The following MLLT3 variants were observed in gnomAD, a reference collection of about 807,000 sequenced individuals.
The protein encoded by MLLT3 is MLLT3 super elongation complex subunit.
In MLLT3, 4 loss-of-function variants were observed where a neutral mutation model predicts 53.2. That is an observed-to-expected ratio of 0.08 (90% CI 0.04 to 0.17). The LOEUF (loss-of-function observed/expected upper bound fraction) is 0.17. Ranked by LOEUF, MLLT3 falls within the 10% of genes least tolerant of loss-of-function variation. The pLI, the probability that MLLT3 is intolerant of heterozygous loss-of-function variation, is 1.00. For synonymous variants in MLLT3, 283 were observed against 230.6 expected, an observed-to-expected ratio of 1.23 and a Z score of -2.06; for missense variants, 569 against 684.0, an observed-to-expected ratio of 0.83 and a Z score of 1.87.
chr9:20,400,972 G>A (rs1822440070), intron 5 of MLLT3, among the ~76,000 whole-genome samples: 1 of 152,104 alleles, frequency 6.6e-6, no homozygotes, highest in Admixed American at 6.6e-5. Context: ...CAGGAGATAG[G>A]AAGAACAACT....
At chr9:20,457,635 C>T (rs1824005454) in intron 2 of MLLT3, among the ~76,000 whole-genome samples, 1 of 152,120 alleles carries the variant, frequency 6.6e-6, no homozygotes, top group Non-Finnish European at 1.5e-5. Context: ...CTCCCTCCTT[C>T]ACCCACCCAA....
chr9:20,530,446 TCAAAATGTTC>T (rs1287515824), intron 2 of MLLT3, among the ~76,000 whole-genome samples: 2 of 152,150 alleles, frequency 1.3e-5, no homozygotes, highest in Non-Finnish European at 2.9e-5. Flanking sequence ...AAGTCACCTA[TCAAAATGTTC>T]AGAGCTTAAA....
chr9:20,413,732 A>C lies in MLLT3; in HGVS notation c.1114T>G (p.Ser372Ala). 1 of 1,595,654 alleles carries C rather than the reference A, an allele frequency of 6.3e-7. No individual in the cohort carries two copies. Among genetic ancestry groups the C allele is most frequent in the Admixed American group, 1.8e-5 (1 of 55,960 alleles). ...NDSDVEENISSKSDSEQPSPA... is the reference protein window; with the variant it reads ...NDSDVEENISAKSDSEQPSPA... ...TAAGAACTACTCACATCAGATTTAG[A>C]GGATATATTCTCCTCCACATCTGAA... is the stretch of plus-strand genomic sequence containing the variant. Residue 372 changes from serine to alanine, a missense_variant, in exon 5 of 11, where the codon TCT becomes GCT. This residue lies in a region of MLLT3 where 437 missense variants were observed against 376.5 expected (regional missense o/e 1.16). Coordinates refer to ENST00000380338, the MANE Select transcript of MLLT3 (RefSeq NM_004529.4).
At chr9:20,513,325 C>A (rs898880415) in intron 2 of MLLT3, among the ~76,000 whole-genome samples, 4 of 152,258 alleles carry the variant, frequency 2.6e-5, no homozygotes, top group Admixed American at 2.6e-4. Flanking sequence ...AAAATTAGGT[C>A]TGGGTCTGTC....
At chr9:20,477,910 A>T (rs1177767964) in intron 2 of MLLT3, among the ~76,000 whole-genome samples, 2 of 152,244 alleles carry the variant, frequency 1.3e-5, no homozygotes, top group Non-Finnish European at 2.9e-5. Flanking sequence ...CCAATACTGG[A>T]TTTAACAATT....
intron 2 of MLLT3, among the ~76,000 whole-genome samples, chr9:20,498,834 T>C (rs1825148158): frequency 6.6e-6 from 1 of 152,200 alleles, no homozygotes; most frequent in South Asian, 2.1e-4. Context: ...GAAGAGCAAA[T>C]TGTTTTTATT....
chr9:20,509,330 G>C (rs1453860687), intron 2 of MLLT3, among the ~76,000 whole-genome samples: 1 of 151,984 alleles, frequency 6.6e-6, no homozygotes, highest in Non-Finnish European at 1.5e-5. Context: ...TGTACTGAAA[G>C]GTATATTTAT....
At position 20,448,402 on chromosome 9, in the gene MLLT3, G is replaced by GA. The variant is rs577008384; in HGVS notation, c.277-137dup. 2,778 of 562,300 alleles carry GA rather than the reference G, an allele frequency of 4.9e-3. 1 individual carries two copies. The highest frequency in any genetic ancestry group is 6.1e-3 in the South Asian group (189 of 30,860). 34.8% of individuals were successfully genotyped at this position (562,300 alleles called of 1,614,324 possible). A position where few individuals can be genotyped will look rare whatever the true frequency, so the allele number is the denominator to read the frequency against. ...AGCTAAACTGTCAAAGTAGTACTGGGAAAAAAAAAAGTATCATGGAATCAT... is the reference window on the plus strand; with the variant it reads ...AGCTAAACTGTCAAAGTAGTACTGGGAAAAAAAAAAAGTATCATGGAATCAT... On this transcript the variant is annotated intron_variant, in intron 3 of 10. Transcript: ENST00000380338. This position sits in a 1 kb window ranked among gnomAD's most constrained non-coding sequence, Gnocchi z 4.0.
At chr9:20,447,763 G>C (rs945488005) in intron 4 of MLLT3, among the ~76,000 whole-genome samples, 4 of 152,048 alleles carry the variant, frequency 2.6e-5, no homozygotes, top group Non-Finnish European at 4.4e-5. Context: ...AATGTGACTT[G>C]CAACTTAACC....
Position 20,420,374 on chromosome 9 carries a change from T to G in MLLT3, c.421-5949A>C, listed in dbSNP as rs574804284. Among the ~76,000 whole-genome samples the G allele has an allele frequency of 7.9e-5, 12 of 152,206 alleles. No homozygotes were observed. In the South Asian group the frequency reaches 1.7e-3, roughly 21 times the overall value. On this transcript the variant is annotated intron_variant, in intron 4 of 10. Coordinates refer to ENST00000380338, the MANE Select transcript of MLLT3 (RefSeq NM_004529.4). ...GTTACAAGAAATACTTTAAATCAATTGATTGAAAAAAGTTTAAAATAATGG... is the reference window on the plus strand; with the variant it reads ...GTTACAAGAAATACTTTAAATCAATGGATTGAAAAAAGTTTAAAATAATGG...
chr9:20,548,000 A>G (rs1818835140), intron 2 of MLLT3, among the ~76,000 whole-genome samples: 1 of 152,228 alleles, frequency 6.6e-6, no homozygotes, highest in Admixed American at 6.5e-5. Context: ...CCTATAGCAC[A>G]TCTCAATTCA....
chr9:20,400,819 AC>A (rs1362947025), intron 5 of MLLT3, among the ~76,000 whole-genome samples: 1 of 152,178 alleles, frequency 6.6e-6, no homozygotes, highest in African/African-American at 2.4e-5. Flanking sequence ...GTTTCATTAA[AC>A]TGCCAATTGT....
intron 2 of MLLT3, among the ~76,000 whole-genome samples, chr9:20,602,731 G>C (rs1820458859): frequency 6.7e-6 from 1 of 149,484 alleles, no homozygotes; most frequent in Admixed American, 6.7e-5. Flanking sequence ...CTACTGCCAG[G>C]CTCTTGTAAC....
chr9:20,395,934 A>C (rs1822310695), intron 5 of MLLT3, among the ~76,000 whole-genome samples: 1 of 152,120 alleles, frequency 6.6e-6, no homozygotes, highest in African/African-American at 2.4e-5. Flanking sequence ...GTACTGTAGA[A>C]TTTTCTGAAT....
At chr9:20,474,680 C>A (rs1363648555) in intron 2 of MLLT3, among the ~76,000 whole-genome samples, 2 of 151,646 alleles carry the variant, frequency 1.3e-5, no homozygotes, top group Non-Finnish European at 1.5e-5. Flanking sequence ...GTTTGACCAA[C>A]GAGGGGAAAA....
At chr9:20,408,262 C>T (rs1405021588) in intron 5 of MLLT3, among the ~76,000 whole-genome samples, 1 of 151,076 alleles carries the variant, frequency 6.6e-6, no homozygotes, top group Non-Finnish European at 1.5e-5. Flanking sequence ...AACAAAAAGG[C>T]CTCCAACTGT....
chr9:20,542,008 G>A (rs1426892674), intron 2 of MLLT3, among the ~76,000 whole-genome samples: 1 of 152,036 alleles, frequency 6.6e-6, no homozygotes, highest in African/African-American at 2.4e-5. Flanking sequence ...CTTTTCCAGA[G>A]GTTTTCAATT....
intron 2 of MLLT3, among the ~76,000 whole-genome samples, chr9:20,487,338 A>G (rs2118915689): frequency 6.6e-6 from 1 of 152,280 alleles, no homozygotes; most frequent in African/African-American, 2.4e-5. Flanking sequence ...TGTCTAGCAA[A>G]ATCATAGGAC....
intron 2 of MLLT3, among the ~76,000 whole-genome samples, chr9:20,464,467 G>A (rs1416543220): frequency 6.6e-6 from 1 of 152,000 alleles, no homozygotes; most frequent in Non-Finnish European, 1.5e-5. Context: ...GGGAGGAAGT[G>A]GAGAGAAAGA....
Sources: gnomAD v4.1 joint callset for allele counts (sites outside exome capture counted in the v4.1 genomes callset) on GRCh38, gnomAD v4.1.1 for gene constraint, gnomAD v4.1.1 regional missense constraint, Gnocchi (gnomAD v3.1) non-coding constraint, MANE v1.5 for transcripts, NCBI Gene and HGNC (gene_info 2026-07-23, HGNC 2026-07-21) for gene names.